STK33: variants seen among roughly 807,000 people sequenced by gnomAD.
STK33 encodes the protein serine/threonine-protein kinase 33.
A neutral mutation model predicts 58.0 loss-of-function variants in STK33; 52 were observed. That is an observed-to-expected ratio of 0.90 (90% CI 0.72 to 1.13). The LOEUF is 1.13. STK33 is among the 50% of genes most tolerant of loss of function. The pLI, the probability that STK33 is intolerant of heterozygous loss-of-function variation, is 0.00. For synonymous variants in STK33, 215 were observed against 200.1 expected, an observed-to-expected ratio of 1.07 and a Z score of -0.63; for missense variants, 630 against 604.2, an observed-to-expected ratio of 1.04 and a Z score of -0.45.
chr11:8,363,262 A>G, the STK33 span, among the ~76,000 whole-genome samples: 114 of 152,234 alleles, frequency 7.5e-4, no homozygotes, highest in Non-Finnish European at 1.4e-3. Flanking sequence ...TTGAAGATGG[A>G]GCTGCACAAA....
At chr11:8,573,447 T>C (rs1268490592) in intron 1 of STK33, among the ~76,000 whole-genome samples, 2 of 152,188 alleles carry the variant, frequency 1.3e-5, no homozygotes. Flanking sequence ...CTGGTGATGA[T>C]ATGGAGAAAA....
At chr11:8,501,521 C>T (rs1042847363) in intron 1 of STK33, among the ~76,000 whole-genome samples, 2 of 151,956 alleles carry the variant, frequency 1.3e-5, no homozygotes, top group African/African-American at 4.8e-5. Flanking sequence ...TAGTAAAAAA[C>T]AAATAAAATA....
chr11:8,398,904 CAAG>C (rs1214136144), intron 15 of STK33, among the ~76,000 whole-genome samples: 14 of 151,770 alleles, frequency 9.2e-5, no homozygotes, highest in Non-Finnish European at 1.6e-4. Context: ...ATCAATTCAA[CAAG>C]AAGAGCTAAC....
chr11:8,484,475 T>C (rs1328306207), intron 1 of STK33, among the ~76,000 whole-genome samples: 2 of 152,218 alleles, frequency 1.3e-5, no homozygotes, highest in Non-Finnish European at 2.9e-5. Flanking sequence ...CTACGGGAGC[T>C]TGCTCTAGAT....
chr11:8,537,889 TA>T (rs1365609552), intron 1 of STK33, among the ~76,000 whole-genome samples: 98 of 129,808 alleles, frequency 7.5e-4, no homozygotes, highest in Admixed American at 7.7e-4. Flanking sequence ...TTTTCTTGAG[TA>T]AAAAAAAAAA....
intron 1 of STK33, among the ~76,000 whole-genome samples, chr11:8,539,220 A>G (rs1030677831): frequency 6.6e-6 from 1 of 152,232 alleles, no homozygotes; most frequent in African/African-American, 2.4e-5. Flanking sequence ...ACAAAAATTT[A>G]AAACGAAGTA....
chr11:8,534,910 T>C (rs1054652883), intron 1 of STK33, among the ~76,000 whole-genome samples: 14 of 152,170 alleles, frequency 9.2e-5, no homozygotes, highest in Admixed American at 9.2e-4. Context: ...GGGAAAATGT[T>C]AAATTCTAAG....
chr11:8,565,323 C>G (rs188876824), intron 1 of STK33, among the ~76,000 whole-genome samples: 2 of 152,310 alleles, frequency 1.3e-5, no homozygotes, highest in East Asian at 3.9e-4. Flanking sequence ...AGTTGTAACT[C>G]TCTGCTTTTG....
At chr11:8,464,079 G>C (rs1947881892) in intron 7 of STK33, among the ~76,000 whole-genome samples, 1 of 152,152 alleles carries the variant, frequency 6.6e-6, no homozygotes, top group African/African-American at 2.4e-5. Context: ...CCATAATGTT[G>C]TTTGGTTTTT....
rs193015888 is a variant in STK33 at position 8,431,978 on chromosome 11, G to A, written c.1146+3516C>T. ...AGTCATTTATCATTTTCTTCCTTGCGTTAAATCTTATACATAGGTTGTTTT... is the reference window on the plus strand; with the variant it reads ...AGTCATTTATCATTTTCTTCCTTGCATTAAATCTTATACATAGGTTGTTTT... On this transcript the variant is annotated intron_variant, in intron 14 of 15. Coordinates refer to ENST00000687296, the MANE Select transcript of STK33 (RefSeq NM_001352389.2). Among the ~76,000 whole-genome samples the A allele has an allele frequency of 3.4e-3, 520 of 152,080 alleles. 4 individuals are homozygous for A. The highest frequency in any genetic ancestry group is 0.012 in the African/African-American group (481 of 41,496).
intron 15 of STK33, among the ~76,000 whole-genome samples, chr11:8,402,565 T>C (rs1055828972): frequency 1.3e-5 from 2 of 152,130 alleles, no homozygotes; most frequent in Non-Finnish European, 2.9e-5. Context: ...TGTATACATA[T>C]GTAACAAACC....
intron 5 of STK33, among the ~76,000 whole-genome samples, chr11:8,473,801 G>A (rs985049399): frequency 1.3e-5 from 2 of 152,140 alleles, no homozygotes; most frequent in African/African-American, 4.8e-5. Context: ...ATGGGAACCT[G>A]ACTTTTCTTA....
chr11:8,530,257 T>G (rs774692092), intron 1 of STK33, among the ~76,000 whole-genome samples: 2 of 151,890 alleles, frequency 1.3e-5, no homozygotes, highest in Non-Finnish European at 2.9e-5. Context: ...GAAGGAGGTA[T>G]TAAGCATTAA....
intron 11 of STK33, among the ~76,000 whole-genome samples, chr11:8,445,591 T>C (rs1366717514): frequency 1.3e-5 from 2 of 151,952 alleles, no homozygotes; most frequent in Non-Finnish European, 2.9e-5. Context: ...TAGCATGAAG[T>C]GGTATTGAAT....
chr11:8,348,463 A>G, the STK33 span, among the ~76,000 whole-genome samples: 1 of 152,194 alleles, frequency 6.6e-6, no homozygotes. Flanking sequence ...GAACTCACTC[A>G]CTATCAGGAG....
intron 1 of STK33, among the ~76,000 whole-genome samples, chr11:8,517,454 G>C (rs1046464820): frequency 6.6e-6 from 1 of 152,186 alleles, no homozygotes; most frequent in Non-Finnish European, 1.5e-5. Flanking sequence ...GCAGCTCCTC[G>C]CCAGCAACGG....
At chr11:8,438,796 G>C (rs1391217922) in intron 12 of STK33, among the ~76,000 whole-genome samples, 1 of 152,112 alleles carries the variant, frequency 6.6e-6, no homozygotes, top group Non-Finnish European at 1.5e-5. Flanking sequence ...GAGTATAAAA[G>C]ACTAATTTAA....
At chr11:8,378,394 T>C in the STK33 span, among the ~76,000 whole-genome samples, 7 of 152,324 alleles carry the variant, frequency 4.6e-5, no homozygotes. Context: ...GGTGCATGCC[T>C]GTAATCCCAT....
chr11:8,500,395 T>G (rs568288480), intron 1 of STK33, among the ~76,000 whole-genome samples: 1 of 151,684 alleles, frequency 6.6e-6, no homozygotes, highest in African/African-American at 2.4e-5. Flanking sequence ...TTATAGAAGA[T>G]CAATATATAA....
Sources: gnomAD v4.1 joint callset for allele counts (sites outside exome capture counted in the v4.1 genomes callset) on GRCh38, gnomAD v4.1.1 for gene constraint, MANE v1.5 for transcripts, NCBI Gene and HGNC (gene_info 2026-07-23, HGNC 2026-07-21) for gene names.